Variants in GLIS3 observed in about 807,000 individuals in gnomAD.
The protein encoded by GLIS3 is GLIS family zinc finger 3, also known as zinc finger protein GLIS3.
Under a neutral mutation model 78.6 loss-of-function variants are expected in GLIS3, and 53 were observed. The ratio of observed to expected loss-of-function variants is 0.67; its 90% CI spans 0.54 to 0.85. GLIS3 has a LOEUF of 0.85. GLIS3 is among the 40% of genes least tolerant of loss of function. GLIS3 has a pLI of 0.00. For missense variants in GLIS3, 1,703 were observed against 1,231.1 expected, an observed-to-expected ratio of 1.38 and a Z score of -5.74; for synonymous variants, 684 against 509.9, an observed-to-expected ratio of 1.34 and a Z score of -4.60.
chr9:3,953,795 CTA>C (rs57500093), intron 4 of GLIS3, among the ~76,000 whole-genome samples: 2,402 of 72,534 alleles, frequency 0.033, 23 homozygotes, highest in Non-Finnish European at 0.043. Flanking sequence ...CTCTCTCTCT[CTA>C]TATATATATA....
the GLIS3 span, among the ~76,000 whole-genome samples, chr9:4,371,437 T>C: frequency 2.6e-5 from 4 of 152,234 alleles, no homozygotes; most frequent in Non-Finnish European, 5.9e-5. Context: ...TTTGAACTTC[T>C]GTATGTGGCC....
chr9:4,096,701 G>A (rs1228696594), intron 4 of GLIS3, among the ~76,000 whole-genome samples: 5 of 152,042 alleles, frequency 3.3e-5, no homozygotes, highest in African/African-American at 7.2e-5. Context: ...TGAAGGGGGC[G>A]GAGAACAGCT....
At chr9:4,257,620 T>C (rs7872467) in intron 2 of GLIS3, among the ~76,000 whole-genome samples, 123,638 of 151,354 alleles carry the variant, frequency 0.82, 50,946 homozygotes, top group East Asian at 0.98. Flanking sequence ...GTCGCCCAGG[T>C]TGGAGTGCAC....
At chr9:4,238,408 T>G (rs1388575097) in intron 2 of GLIS3, among the ~76,000 whole-genome samples, 3 of 152,168 alleles carry the variant, frequency 2.0e-5, no homozygotes, top group Non-Finnish European at 2.9e-5. Flanking sequence ...TCTACCCACA[T>G]GAGAGAAGAT....
chr9:3,915,731 T>C (rs1264488380), intron 6 of GLIS3, among the ~76,000 whole-genome samples: 1 of 152,218 alleles, frequency 6.6e-6, no homozygotes, highest in Non-Finnish European at 1.5e-5. Flanking sequence ...GGAAGTAATT[T>C]CACATTCTGA....
intron 4 of GLIS3, among the ~76,000 whole-genome samples, chr9:4,087,924 G>A (rs1285874862): frequency 4.6e-5 from 7 of 152,072 alleles, no homozygotes; most frequent in Admixed American, 2.0e-4. Context: ...TGTCCATCTC[G>A]CATTATGGTT....
rs199765722 is a variant in GLIS3 at position 4,284,758 on chromosome 9, GA to G, written c.388+1279del. Among the ~76,000 whole-genome samples the G allele has an allele frequency of 5.0e-3, 735 of 146,296 alleles. 11 individuals are homozygous for G. Among genetic ancestry groups the G allele is most frequent in the African/African-American group, 0.017 (691 of 39,860 alleles). On this transcript the variant is annotated intron_variant, in intron 2 of 10. Transcript: ENST00000381971. The stretch of plus-strand genomic sequence containing the variant: ...AAATCCTGTCTCAAAAAAAAAAAAA[GA>G]AAAAAAAAATTAGCCAGGCGTTGTG...
intron 2 of GLIS3, among the ~76,000 whole-genome samples, chr9:4,221,736 G>C (rs1030734531): frequency 2.6e-5 from 4 of 152,200 alleles, no homozygotes; most frequent in African/African-American, 4.8e-5. Flanking sequence ...TTACAAAGGA[G>C]CAGAAATGGT....
intron 2 of GLIS3, among the ~76,000 whole-genome samples, chr9:4,185,035 T>C (rs1817658212): frequency 6.6e-6 from 1 of 152,222 alleles, no homozygotes; most frequent in Admixed American, 6.5e-5. Context: ...TGTATAACTA[T>C]CACTGTAACC....
intron 2 of GLIS3, among the ~76,000 whole-genome samples, chr9:4,197,506 G>A (rs1013799643): frequency 6.6e-6 from 1 of 152,066 alleles, no homozygotes; most frequent in East Asian, 1.9e-4. Flanking sequence ...TTAAGGCCAA[G>A]GAGGTTTCCC....
chr9:4,426,923 C>T, the GLIS3 span, among the ~76,000 whole-genome samples: 5 of 152,208 alleles, frequency 3.3e-5, no homozygotes, highest in Admixed American at 3.3e-4. Context: ...ACTTCAGTTA[C>T]TTATACACTT....
chr9:4,227,337 C>T (rs1380031388), intron 2 of GLIS3, among the ~76,000 whole-genome samples: 2 of 151,042 alleles, frequency 1.3e-5, no homozygotes, highest in African/African-American at 2.4e-5. Flanking sequence ...AAGTAAGTTA[C>T]GCCCACACAA....
At chr9:4,383,228 G>A in the GLIS3 span, among the ~76,000 whole-genome samples, 1 of 152,182 alleles carries the variant, frequency 6.6e-6, no homozygotes, top group Non-Finnish European at 1.5e-5. Flanking sequence ...TGTAGAACAA[G>A]TTTCAGAAAA....
chr9:4,110,366 A>G (rs917971817), intron 4 of GLIS3, among the ~76,000 whole-genome samples: 1 of 152,170 alleles, frequency 6.6e-6, no homozygotes, highest in Non-Finnish European at 1.5e-5. Context: ...CTGCCCAGAA[A>G]CTGGTTATAT....
intron 4 of GLIS3, among the ~76,000 whole-genome samples, chr9:3,987,267 A>T (rs1056395764): frequency 1.3e-5 from 2 of 152,160 alleles, no homozygotes; most frequent in Non-Finnish European, 2.9e-5. Context: ...AAATTTACCC[A>T]ATTTCAACAA....
At chr9:4,120,555 C>A (rs1177454807) in intron 3 of GLIS3, among the ~76,000 whole-genome samples, 1 of 152,212 alleles carries the variant, frequency 6.6e-6, no homozygotes, top group African/African-American at 2.4e-5. Context: ...CAGCTGAAGG[C>A]TCCTGGTGAT....
intron 7 of GLIS3, among the ~76,000 whole-genome samples, chr9:3,897,660 A>G (rs888981643): frequency 1.3e-5 from 2 of 152,226 alleles, no homozygotes; most frequent in South Asian, 2.1e-4. Context: ...ATTAAGGCCC[A>G]GTTTTGATGA....
the GLIS3 span, among the ~76,000 whole-genome samples, chr9:4,461,761 A>C: frequency 1.3e-5 from 2 of 152,186 alleles, no homozygotes; most frequent in Non-Finnish European, 2.9e-5. Flanking sequence ...GCCATGTCCC[A>C]ACTAGCATTA....
chr9:3,975,499 C>A (rs1394162692), intron 4 of GLIS3, among the ~76,000 whole-genome samples: 1 of 151,702 alleles, frequency 6.6e-6, no homozygotes, highest in Non-Finnish European at 1.5e-5. Flanking sequence ...ACCTCTGGCA[C>A]TTTTCTGGAA....
Sources: gnomAD v4.1 joint callset for allele counts (sites outside exome capture counted in the v4.1 genomes callset) on GRCh38, gnomAD v4.1.1 for gene constraint, MANE v1.5 for transcripts, NCBI Gene and HGNC (gene_info 2026-07-23, HGNC 2026-07-21) for gene names.